COCH: variants seen among roughly 807,000 people sequenced by gnomAD.
The protein encoded by COCH is coagulation factor C homolog, cochlin (Limulus polyphemus).
A neutral mutation model predicts 54.8 loss-of-function variants in COCH; 40 were observed. That is an observed-to-expected ratio of 0.73 (90% CI 0.57 to 0.95). COCH has a LOEUF of 0.95. Ranked by LOEUF, COCH falls within the 40% of genes least tolerant of loss-of-function variation. The pLI is 0.00. For missense variants in COCH, 605 were observed against 675.0 expected (o/e 0.90, Z 1.15); for synonymous variants, 256 against 237.9 (o/e 1.08, Z -0.70).
At position 30,888,754 on chromosome 14, in the gene COCH, G is replaced by A. The variant is rs1359635756; in HGVS notation, c.1478-862G>A. ...TGCAGTGAGCCTTGATTGTACCACT[G>A]CACTCCAGCATGGGCAAAAGAGCCA... On this transcript the variant is annotated intron_variant, in intron 11 of 11. Coordinates refer to ENST00000396618, the MANE Select transcript of COCH (RefSeq NM_004086.3). 7.4e-5 allele frequency among the ~76,000 whole-genome samples: 11 copies of A among 148,442 alleles called. No individual in the cohort carries two copies. In the Admixed American group the frequency reaches 7.5e-4, roughly 10 times the overall value.
chr14:30,881,465 G>A (rs531665438), intron 8 of COCH, among the ~76,000 whole-genome samples: 152 of 152,238 alleles, frequency 1.0e-3, no homozygotes, highest in Middle Eastern at 3.4e-3. Flanking sequence ...GAACCAGAAG[G>A]TAGACTGGAG....
chr14:30,884,942 C>T (rs1318030504), intron 9 of COCH: 1 of 1,597,172 alleles, frequency 6.3e-7, no homozygotes, highest in Non-Finnish European at 8.5e-7. Flanking sequence ...CTTTGTAATG[C>T]TAAAAAGAAG....
chr14:30,879,083 G>T, intron 5 of COCH, 139 bp downstream of exon 5: 1 of 1,295,724 alleles, frequency 7.7e-7, no homozygotes, highest in Non-Finnish European at 1.1e-6. Context: ...GTAAACTGTA[G>T]GTTAGACTGA....
chr14:30,879,545 A>C, intron 6 of COCH, 60 bp downstream of exon 6: 1 of 1,550,952 alleles, frequency 6.4e-7, no homozygotes, highest in African/African-American at 1.4e-5. Context: ...GTTATGAATA[A>C]ACGTGTTGTT....
Position 30,877,804 on chromosome 14 carries a change from C to G in COCH, c.239+76C>G, listed in dbSNP as rs765528993. Reference sequence around the variant, plus strand: ...CTTTCCTGCTTTACCCATCTGGATCCCTTTCCTCCCTGCATTCTTTCTTTT... The same window carrying G: ...CTTTCCTGCTTTACCCATCTGGATCGCTTTCCTCCCTGCATTCTTTCTTTT... On this transcript the variant is annotated intron_variant, in intron 4 of 11. Transcript: ENST00000396618. The surrounding 1 kb of genome is among the most constrained non-coding windows in gnomAD (Gnocchi z 8.6). The G allele has an allele frequency of 1.9e-6, 3 of 1,599,628 alleles. No individual in the cohort carries two copies. Among genetic ancestry groups the G allele is most frequent in the Non-Finnish European group, 2.6e-6 (3 of 1,175,756 alleles).
Position 30,885,524 on chromosome 14 carries a change from G to A in COCH, c.864G>A (p.Val288=), listed in dbSNP as rs1183246161. ...ATGACATCGAGGAAGCAGGCATTGTGGCCAGAGAGTTTGGTGTCAATGTAT... is the reference window on the plus strand; with the variant it reads ...ATGACATCGAGGAAGCAGGCATTGTAGCCAGAGAGTTTGGTGTCAATGTAT... ...PSDDIEEAGI[V]AREFGVNVFI... Residue 288 remains valine (V), a synonymous_variant, in exon 10 of 12, where the codon GTG becomes GTA. Coordinates refer to ENST00000396618, the MANE Select transcript of COCH (RefSeq NM_004086.3). 2 of 1,613,328 alleles carry A rather than the reference G, an allele frequency of 1.2e-6. No individual in the cohort carries two copies. Among genetic ancestry groups the A allele is most frequent in the Non-Finnish European group, 8.5e-7 (1 of 1,179,214 alleles).
chr14:30,893,147 CAATTTT>C, downstream of COCH, among the ~76,000 whole-genome samples: 1 of 92,056 alleles, frequency 1.1e-5, no homozygotes, highest in East Asian at 2.1e-4. Flanking sequence ...GCAAAAACCA[CAATTTT>C]TTTTTTTTTT....
intron 8 of COCH, among the ~76,000 whole-genome samples, chr14:30,883,177 C>T (rs1246102119): frequency 6.6e-6 from 1 of 152,158 alleles, no homozygotes; most frequent in Non-Finnish European, 1.5e-5. Flanking sequence ...TGAGTTTGAG[C>T]AAGTCTATTT....
chr14:30,885,889 A>G lies in COCH; in HGVS notation c.1054A>G (p.Thr352Ala). The change falls in exon 11 of 12, where the codon ACT becomes GCT. Residue 352 changes from threonine (T) to alanine (A), a missense_variant. Transcript: ENST00000396618. The part of the protein sequence containing the change: ...YVKPLVQKLC[T>A]HEQMMCSKTC... The stretch of plus-strand genomic sequence containing the variant: ...AAAGCCTCTGGTACAGAAGCTGTGC[A>G]CTCATGAACAAATGATGTGCAGCAA... 6.2e-7 allele frequency: 1 copy of G among 1,614,176 alleles called. No individual in the cohort carries two copies. The highest frequency in any genetic ancestry group is 8.5e-7 in the Non-Finnish European group (1 of 1,179,998).
At chr14:30,895,290 C>T (rs1896111550), downstream of COCH, 1 of 990,592 alleles carries the variant, frequency 1.0e-6, no homozygotes, top group Non-Finnish European at 1.4e-6. Flanking sequence ...TTGTGCCTGC[C>T]CCAGATAGCC....
chr14:30,890,004 A>C lies in COCH; in HGVS notation c.*213A>C, dbSNP rs761019416. 1.6e-6 allele frequency: 2 copies of C among 1,272,628 alleles called. No individual in the cohort carries two copies. The highest frequency in any genetic ancestry group is 2.0e-6 in the Non-Finnish European group (2 of 1,006,254). 78.8% of individuals were successfully genotyped at this position (1,272,628 alleles called of 1,614,324 possible). A position where few individuals can be genotyped will look rare whatever the true frequency, so the allele number is the denominator to read the frequency against. On this transcript the variant is annotated 3_prime_UTR_variant, in exon 12 of 12. Coordinates refer to ENST00000396618, the MANE Select transcript of COCH (RefSeq NM_004086.3). Reference sequence around the variant, plus strand: ...TTGTTAAAAACACTGCTGAGGCTTCATAATCATGGCTCTTAGAAACTCAGG... The same window carrying C: ...TTGTTAAAAACACTGCTGAGGCTTCCTAATCATGGCTCTTAGAAACTCAGG...
Position 30,890,445 on chromosome 14 carries a change from T to C in COCH, c.*654T>C. On this transcript the variant is annotated 3_prime_UTR_variant, in exon 12 of 12. Transcript: ENST00000396618. ...CTATTTCTCTCCTTAATTTTATATGTATATAGATATATTTGGCTTATATTC... is the reference window on the plus strand; with the variant it reads ...CTATTTCTCTCCTTAATTTTATATGCATATAGATATATTTGGCTTATATTC... The C allele has an allele frequency of 3.1e-6, 3 of 954,358 alleles. No individual in the cohort carries two copies. In the African/African-American group the frequency reaches 5.3e-5, roughly 17 times the overall value. The allele number at this position is 954,358 out of a possible 1,614,324, so 59.1% of individuals were successfully genotyped here. A position where few individuals can be genotyped will look rare whatever the true frequency, so the allele number is the denominator to read the frequency against.
Position 30,884,608 on chromosome 14 carries a change from T to C in COCH, c.685T>C (p.Leu229=). 1.2e-6 allele frequency: 2 copies of C among 1,613,888 alleles called. No homozygotes were observed. The highest frequency in any genetic ancestry group is 1.7e-6 in the Non-Finnish European group (2 of 1,179,846). ...LKNFTSAKDV[L]FAIKEVGFRG... is the part of the protein sequence containing the mutation. ...AAACTTTACATCAGCCAAAGATGTT[T>C]TGTTTGCCATAAAGGAAGTAGGTTT... The change falls in exon 9 of 12, where the codon TTG becomes CTG. Residue 229 remains leucine, a synonymous_variant. Coordinates refer to ENST00000396618, the MANE Select transcript of COCH (RefSeq NM_004086.3).
rs185310863 is a variant in COCH, at chr14:30,877,826, T to C, written c.239+98T>C. The C allele has an allele frequency of 4.6e-4, 733 of 1,581,286 alleles. 10 individuals carry two copies. The East Asian group carries it at 0.013, about 27-fold the overall frequency. The stretch of plus-strand genomic sequence containing the variant: ...ATCCCTTTCCTCCCTGCATTCTTTC[T>C]TTTGTTGCCATTGTGGCCACAGAAA... On this transcript the variant is annotated intron_variant, in intron 4 of 11. Coordinates refer to ENST00000396618, the MANE Select transcript of COCH (RefSeq NM_004086.3). The surrounding 1 kb of genome is among the most constrained non-coding windows in gnomAD (Gnocchi z 8.6).
chr14:30,895,533 C>T (rs775955992), downstream of COCH: 1 of 1,614,102 alleles, frequency 6.2e-7, no homozygotes, highest in South Asian at 1.1e-5. Context: ...ATTTCTTGCA[C>T]ACATGTCTTG....
chr14:30,893,441 C>T (rs763538123), downstream of COCH, among the ~76,000 whole-genome samples: 12 of 152,036 alleles, frequency 7.9e-5, no homozygotes, highest in Non-Finnish European at 1.8e-4. Flanking sequence ...CCTGAGCCAC[C>T]GCGCCCGGCC....
intron 11 of COCH, among the ~76,000 whole-genome samples, chr14:30,886,846 T>C (rs1050080761): frequency 1.3e-5 from 2 of 152,134 alleles, no homozygotes; most frequent in African/African-American, 4.8e-5. Context: ...GCCTTCCAAA[T>C]AGCTAGGACG....
Position 30,877,521 on chromosome 14 carries a change from T to G in COCH, c.83-51T>G. 1 of 1,606,690 alleles carries G rather than the reference T, an allele frequency of 6.2e-7. No homozygotes were observed. Among genetic ancestry groups the G allele is most frequent in the Non-Finnish European group, 8.5e-7 (1 of 1,176,460 alleles). On this transcript the variant is annotated intron_variant, in intron 3 of 11. Transcript: ENST00000396618. This position sits in a 1 kb window ranked among gnomAD's most constrained non-coding sequence, Gnocchi z 8.6. ...TCACACTGTAGTCTCCCCACCACTA[T>G]GCCCCAAGAAGTCCTAAGAATGCTT...
downstream of COCH, chr14:30,894,447 A>C (rs1169434560): frequency 6.6e-6 from 1 of 152,592 alleles, no homozygotes; most frequent in Non-Finnish European, 1.5e-5. Context: ...GAAATAAATA[A>C]TAGGCCATTA....
Sources: allele counts gnomAD v4.1 joint callset (sites outside exome capture counted in the v4.1 genomes callset), GRCh38; gene constraint gnomAD v4.1.1; non-coding constraint Gnocchi (gnomAD v3.1); transcripts MANE v1.5; gene names NCBI Gene and HGNC (gene_info 2026-07-23, HGNC 2026-07-21).